TENM2: variants seen among roughly 807,000 people sequenced by gnomAD.
The protein encoded by TENM2 is teneurin-2.
In TENM2, 52 loss-of-function variants were observed where a neutral mutation model predicts 245.2. The observed-to-expected ratio is 0.21, with a 90% CI of 0.17 to 0.27. The LOEUF is 0.27. Ranked by LOEUF, TENM2 falls within the 10% of genes least tolerant of loss-of-function variation. The pLI is 1.00. For synonymous variants in TENM2, 1,363 were observed against 1,438.9 expected (o/e 0.95, Z 1.19); for missense variants, 3,046 against 3,666.8 (o/e 0.83, Z 4.37).
intron 4 of TENM2, among the ~76,000 whole-genome samples, chr5:167,963,129 A>G (rs1179736506): frequency 2.6e-5 from 4 of 152,210 alleles, no homozygotes; most frequent in East Asian, 1.9e-4. Flanking sequence ...GAAGCGATTT[A>G]CTATCCGAGA....
intron 3 of TENM2, among the ~76,000 whole-genome samples, chr5:167,903,431 C>G (rs1775864094): frequency 1.3e-5 from 2 of 149,190 alleles, no homozygotes; most frequent in Non-Finnish European, 3.0e-5. Context: ...GCCGCCTACT[C>G]AGGTAGAATG....
chr5:168,118,115 A>G (rs907367808), intron 9 of TENM2, among the ~76,000 whole-genome samples, 177 bp from the exon 12 acceptor site: 2 of 152,240 alleles, frequency 1.3e-5, no homozygotes, highest in South Asian at 2.1e-4. Context: ...AGCTGCTGTT[A>G]TCAGTAGCAC....
chr5:167,345,799 G>A (rs2127826445), intron 1 of TENM2, among the ~76,000 whole-genome samples: 1 of 150,660 alleles, frequency 6.6e-6, no homozygotes, highest in Non-Finnish European at 1.5e-5. Context: ...GCTGACCCTA[G>A]AGAACTTCTT....
At chr5:168,149,200 G>C (rs1293904956) in intron 12 of TENM2, among the ~76,000 whole-genome samples, 1 of 152,148 alleles carries the variant, frequency 6.6e-6, no homozygotes, top group Non-Finnish European at 1.5e-5. Context: ...TGCAGATAGA[G>C]CTGCTGTGAC....
chr5:167,181,077 G>C, the TENM2 span, among the ~76,000 whole-genome samples: 8 of 152,022 alleles, frequency 5.3e-5, no homozygotes, highest in African/African-American at 1.7e-4. Flanking sequence ...TTACGTAAGG[G>C]GAGTCTTCAA....
chr5:167,526,313 C>T (rs954784947), intron 2 of TENM2, among the ~76,000 whole-genome samples: 2 of 150,652 alleles, frequency 1.3e-5, no homozygotes, highest in African/African-American at 2.4e-5. Flanking sequence ...TGCATAGAGT[C>T]AGCTACCTAT....
At chr5:167,233,314 G>A in the TENM2 span, among the ~76,000 whole-genome samples, 60 of 151,616 alleles carry the variant, frequency 4.0e-4, 1 homozygote, top group Admixed American at 8.6e-4. Flanking sequence ...CATTGTATGT[G>A]TAGCTAGAGG....
the TENM2 span, among the ~76,000 whole-genome samples, chr5:167,046,615 T>TA: frequency 1.3e-5 from 2 of 152,198 alleles, no homozygotes; most frequent in South Asian, 4.1e-4. Context: ...TGTCTCCACT[T>TA]ACAGTTTTCT....
the TENM2 span, among the ~76,000 whole-genome samples, chr5:167,055,454 A>G: frequency 4.6e-5 from 7 of 152,006 alleles, no homozygotes; most frequent in Admixed American, 6.6e-5. Flanking sequence ...CTTTATGGTA[A>G]TATTTTGATT....
chr5:167,445,323 A>AGG (rs1399801712), intron 2 of TENM2, among the ~76,000 whole-genome samples: 8 of 96,870 alleles, frequency 8.3e-5, no homozygotes, highest in African/African-American at 2.9e-4. Context: ...ATATATATAT[A>AGG]TATATATATA....
At chr5:167,992,802 G>A (rs1259408511) in intron 4 of TENM2, 142 bp from the exon 7 acceptor site, 13 of 633,950 alleles carry the variant, frequency 2.1e-5, no homozygotes, top group Non-Finnish European at 3.6e-5. Context: ...CGAATGTAAT[G>A]TTCGCCCCTT....
chr5:167,568,602 T>C (rs1183927584), intron 2 of TENM2, among the ~76,000 whole-genome samples: 6 of 151,874 alleles, frequency 4.0e-5, no homozygotes, highest in African/African-American at 1.5e-4. Flanking sequence ...TTCTTTATCT[T>C]AGTTCTATTG....
At chr5:167,068,987 A>T in the TENM2 span, among the ~76,000 whole-genome samples, 1 of 152,152 alleles carries the variant, frequency 6.6e-6, no homozygotes, top group Non-Finnish European at 1.5e-5. Context: ...TGAACTCGTC[A>T]TTTCATTTTC....
intron 1 of TENM2, among the ~76,000 whole-genome samples, chr5:167,346,938 C>G (rs1758493788): frequency 1.3e-5 from 2 of 151,960 alleles, no homozygotes; most frequent in African/African-American, 2.4e-5. Context: ...CCACACCCAG[C>G]TATTTTTTTA....
chr5:167,211,924 A>T, the TENM2 span, among the ~76,000 whole-genome samples: 2 of 152,180 alleles, frequency 1.3e-5, no homozygotes, highest in Non-Finnish European at 2.9e-5. Flanking sequence ...ACCCTATAAG[A>T]TGAATTATAT....
At chr5:167,843,004 C>A (rs17434346) in intron 2 of TENM2, among the ~76,000 whole-genome samples, 64,815 of 151,942 alleles carry the variant, frequency 0.43, 16,188 homozygotes, top group Non-Finnish European at 0.56. Flanking sequence ...CCTCAATTCG[C>A]AACAACACTT....
At chr5:167,734,714 C>T (rs932505732) in intron 2 of TENM2, among the ~76,000 whole-genome samples, 2 of 152,064 alleles carry the variant, frequency 1.3e-5, no homozygotes, top group Non-Finnish European at 2.9e-5. Flanking sequence ...ATCTATACTG[C>T]ACCCTTAAGA....
chr5:167,322,458 C>T (rs898634892), intron 1 of TENM2, among the ~76,000 whole-genome samples: 2 of 152,146 alleles, frequency 1.3e-5, no homozygotes, highest in Admixed American at 6.5e-5. Flanking sequence ...CACTGCGTTG[C>T]TCCCTGACTG....
chr5:168,226,343 G>A (rs1764183229), intron 24 of TENM2, 80 bp downstream of exon 26: 2 of 1,399,606 alleles, frequency 1.4e-6, no homozygotes, highest in Admixed American at 2.0e-5. Flanking sequence ...TGTGAGTTAT[G>A]CAGCCTGGGA....
Sources: gnomAD v4.1 joint callset for allele counts (sites outside exome capture counted in the v4.1 genomes callset) on GRCh38, gnomAD v4.1.1 for gene constraint, MANE v1.5 for transcripts, NCBI Gene and HGNC (gene_info 2026-07-23, HGNC 2026-07-21) for gene names.